SEC31A: variants seen among roughly 807,000 people sequenced by gnomAD.
The protein encoded by SEC31A is protein transport protein Sec31A.
A neutral mutation model predicts 151.0 loss-of-function variants in SEC31A; 70 were observed. The observed-to-expected ratio is 0.46, with a 90% confidence interval of 0.38 to 0.57. The LOEUF (loss-of-function observed/expected upper bound fraction) is 0.57, where lower values mean the gene tolerates loss of function less well. SEC31A is among the 20% of genes least tolerant of loss of function. SEC31A has a pLI of 0.00. For synonymous variants in SEC31A, 475 were observed against 505.9 expected (o/e 0.94, Z 0.82); for missense variants, 1,330 against 1,471.2 (o/e 0.90, Z 1.57).
intron 24 of SEC31A, among the ~76,000 whole-genome samples, chr4:82,826,834 T>C (rs953654796): frequency 8.5e-5 from 13 of 152,246 alleles, no homozygotes; most frequent in African/African-American, 2.9e-4. Flanking sequence ...TTCTCATGAA[T>C]AGATCAAAAT....
chr4:82,868,088 A>C (rs1488359033), intron 8 of SEC31A, among the ~76,000 whole-genome samples: 2 of 152,252 alleles, frequency 1.3e-5, no homozygotes, highest in Non-Finnish European at 2.9e-5. Flanking sequence ...TCTGACTTTT[A>C]ATCACGAGAG....
upstream of SEC31A, chr4:82,895,549 T>C (rs1720028751): frequency 6.6e-6 from 1 of 152,238 alleles, no homozygotes; most frequent in African/African-American, 2.4e-5. Flanking sequence ...ATAATACTTA[T>C]CTTTAAAAGC....
At chr4:82,870,211 C>T in intron 8 of SEC31A, 114 bp downstream of exon 8, 1 of 739,678 alleles carries the variant, frequency 1.4e-6, no homozygotes. Context: ...ACACACACGT[C>T]CACATACTCT....
upstream of SEC31A, chr4:82,893,295 C>T (rs1160492953): frequency 2.0e-5 from 3 of 152,246 alleles, no homozygotes; most frequent in African/African-American, 4.8e-5. Context: ...TCTGGAACTC[C>T]TGGCCTCCAG....
intron 15 of SEC31A, 96 bp from the exon 16 acceptor site, chr4:82,857,226 TGAA>T: frequency 1.0e-6 from 1 of 953,484 alleles, no homozygotes; most frequent in South Asian, 1.6e-5. Flanking sequence ...TATATATACA[TGAA>T]TGGAGACCAC....
At chr4:82,820,843 A>AAC (rs144442434) in intron 26 of SEC31A, among the ~76,000 whole-genome samples, 194 bp downstream of exon 26, 24 of 151,078 alleles carry the variant, frequency 1.6e-4, no homozygotes, top group African/African-American at 3.4e-4. Flanking sequence ...CACCCACACA[A>AAC]ACACACACAC....
chr4:82,833,908 G>A (rs1401682522), intron 22 of SEC31A, among the ~76,000 whole-genome samples: 1 of 152,196 alleles, frequency 6.6e-6, no homozygotes, highest in Non-Finnish European at 1.5e-5. Context: ...ACTGTGAGGG[G>A]GGAGAGGTAA....
chr4:82,836,724 A>G (rs974537340), intron 22 of SEC31A, among the ~76,000 whole-genome samples: 7 of 152,162 alleles, frequency 4.6e-5, no homozygotes, highest in Non-Finnish European at 8.8e-5. Flanking sequence ...AACAGAAGCT[A>G]TTATTTAATG....
intron 3 of SEC31A, among the ~76,000 whole-genome samples, chr4:82,896,810 AG>A (rs1720081187): frequency 6.6e-6 from 1 of 152,232 alleles, no homozygotes; most frequent in African/African-American, 2.4e-5. Context: ...TATTTGCTAT[AG>A]GATGGAGTAA....
intron 20 of SEC31A, among the ~76,000 whole-genome samples, chr4:82,846,197 G>A (rs1578204691): frequency 6.6e-6 from 1 of 151,550 alleles, no homozygotes; most frequent in African/African-American, 2.4e-5. Context: ...TAGAGACGGG[G>A]TTTCACTGTG....
chr4:82,861,545 G>A, intron 14 of SEC31A, 86 bp downstream of exon 14: 2 of 777,812 alleles, frequency 2.6e-6, no homozygotes, highest in Non-Finnish European at 4.3e-6. Context: ...TTTGCCATAA[G>A]TAGTCAAGAA....
At chr4:82,839,466 T>C (rs951325170) in intron 22 of SEC31A, among the ~76,000 whole-genome samples, 2 of 152,162 alleles carry the variant, frequency 1.3e-5, no homozygotes, top group African/African-American at 4.8e-5. Context: ...TTTGTATTTT[T>C]AGTAGAGACA....
chr4:82,856,975 T>C lies in SEC31A; in HGVS notation c.1858A>G (p.Lys620Glu), dbSNP rs1158785120. 1.2e-6 allele frequency: 2 copies of C among 1,607,694 alleles called. No individual in the cohort carries two copies. Among genetic ancestry groups the C allele is most frequent in the South Asian group, 1.1e-5 (1 of 89,684 alleles). Reference sequence around the variant, plus strand: ...ACCCTGGTAATTTTGCTTTGGGATTTTGCGAAGTATTTTTTCTGGGTTCGA... The same window carrying C: ...ACCCTGGTAATTTTGCTTTGGGATTCTGCGAAGTATTTTTTCTGGGTTCGA... ...LARTQKKYFAKSQSKITRLIT... is the reference protein window; with the variant it reads ...LARTQKKYFAESQSKITRLIT... Residue 620 changes from lysine to glutamate, a missense_variant, in exon 16 of 27, where the codon AAA (lysine) becomes GAA (glutamate). By Grantham distance (56) the Lys-to-Glu change is moderately conservative (BLOSUM62 1). Coordinates refer to ENST00000395310, the MANE Select transcript of SEC31A (RefSeq NM_001077207.4).
At position 82,846,564 on chromosome 4, in the gene SEC31A, C is replaced by A. The variant is rs141410071; in HGVS notation, c.2503-2055G>T. On this transcript the variant is annotated intron_variant, in intron 20 of 26. Coordinates refer to ENST00000395310, the MANE Select transcript of SEC31A (RefSeq NM_001077207.4). ...GCCATCCCTGAGACATCAAGACCAACCCCTCCTCTTCAGCATATTCAATGT... is the reference window on the plus strand; with the variant it reads ...GCCATCCCTGAGACATCAAGACCAAACCCTCCTCTTCAGCATATTCAATGT... 2.1e-4 allele frequency among the ~76,000 whole-genome samples: 32 copies of A among 151,960 alleles called. No homozygotes were observed. In the East Asian group the frequency reaches 6.0e-3, roughly 28 times the overall value.
At chr4:82,846,366 C>A (rs1202962672) in intron 20 of SEC31A, among the ~76,000 whole-genome samples, 2 of 140,546 alleles carry the variant, frequency 1.4e-5, no homozygotes, top group African/African-American at 5.2e-5. Flanking sequence ...AACTCCAAAA[C>A]ATAATAATAA....
intron 5 of SEC31A, 42 bp downstream of exon 5, chr4:82,875,685 T>C (rs72664715): frequency 0.012 from 14,062 of 1,172,688 alleles, 123 homozygotes; most frequent in Middle Eastern, 0.023. Context: ...GAACTACTTT[T>C]GGCTTTTTTG....
chr4:82,847,727 T>C (rs935884997), intron 20 of SEC31A, among the ~76,000 whole-genome samples: 5 of 152,132 alleles, frequency 3.3e-5, no homozygotes, highest in Non-Finnish European at 7.4e-5. Context: ...TCTAGTGCAA[T>C]CTCCATGAAG....
chr4:82,821,975 TAAGA>T lies in SEC31A; in HGVS notation c.3412-871_3412-868del, dbSNP rs1723468024. Reference sequence around the variant, plus strand: ...GAAAGAAAACTATCTTTTGGCAGCTTAAGATTACTGAGGGAAGTAGTAAAATAAA... The same window carrying T: ...GAAAGAAAACTATCTTTTGGCAGCTTTTACTGAGGGAAGTAGTAAAATAAA... On this transcript the variant is annotated intron_variant, in intron 25 of 26. Transcript: ENST00000395310. Among the ~76,000 whole-genome samples, 3 of 152,196 alleles carry T rather than the reference TAAGA, an allele frequency of 2.0e-5. No individual in the cohort carries two copies. The South Asian group carries it at 6.2e-4, about 32-fold the overall frequency.
At chr4:82,868,549 G>A (rs562717165) in intron 8 of SEC31A, among the ~76,000 whole-genome samples, 6 of 151,854 alleles carry the variant, frequency 4.0e-5, no homozygotes, top group Non-Finnish European at 8.8e-5. Context: ...ATAGAAAATG[G>A]CTTATATGAA....
Sources: allele counts gnomAD v4.1 joint callset (sites outside exome capture counted in the v4.1 genomes callset), GRCh38; gene constraint gnomAD v4.1.1; transcripts MANE v1.5; gene names NCBI Gene and HGNC (gene_info 2026-07-23, HGNC 2026-07-21).